RBFOX2: variants seen among roughly 807,000 people sequenced by gnomAD.
The protein encoded by RBFOX2 is RNA binding protein fox-1 homolog 2.
Under a neutral mutation model 49.1 loss-of-function variants are expected in RBFOX2, and 10 were observed. That is an observed-to-expected ratio of 0.20 (90% confidence interval 0.13 to 0.35). The LOEUF is 0.35. Ranked by LOEUF, RBFOX2 falls within the 10% of genes least tolerant of loss-of-function variation. RBFOX2 has a pLI of 1.00. For missense variants in RBFOX2, 323 were observed against 486.9 expected, an observed-to-expected ratio of 0.66 and a Z score of 3.17; for synonymous variants, 183 against 187.4, an observed-to-expected ratio of 0.98 and a Z score of 0.19.
Position 35,911,128 on chromosome 22 carries a change from C to T in RBFOX2, c.-34+27719G>A, listed in dbSNP as rs554624311. ...CCACTTTAAGCCTGATATGACCTCC[C>T]GGGACTTCTCTGGTCTCTAATAATG... On this transcript the variant is annotated intron_variant, in intron 1 of 13. Coordinates refer to the RBFOX2 transcript ENST00000359369. 7.2e-5 allele frequency among the ~76,000 whole-genome samples: 11 copies of T among 152,244 alleles called. 1 individual carries two copies. The highest frequency in any genetic ancestry group is 3.4e-3 in the Middle Eastern group (1 of 294).
chr22:35,933,926 T>TTATATATA lies in RBFOX2; in HGVS notation c.-34+4913_-34+4920dup, dbSNP rs3075245. Among the ~76,000 whole-genome samples, 1,169 of 117,942 alleles carry TTATATATA rather than the reference T, an allele frequency of 9.9e-3. 5 individuals carry two copies. Among genetic ancestry groups the TTATATATA allele is most frequent in the Middle Eastern group, 0.028 (7 of 250 alleles). The allele number at this position is 117,942 out of a possible 152,430, so 77.4% of individuals were successfully genotyped here. ...GTTCTTATAATTATATAATTAAATG[T>TTATATATA]TATATATATATATATATATATATAT... On this transcript the variant is annotated intron_variant, in intron 1 of 13. Transcript: ENST00000359369.
At chr22:35,899,056 T>C (rs1242181078) in intron 1 of RBFOX2, among the ~76,000 whole-genome samples, 2 of 151,928 alleles carry the variant, frequency 1.3e-5, no homozygotes, top group Admixed American at 1.3e-4. Flanking sequence ...AGGCAGAGGT[T>C]GCGGTGAGCC....
intron 1 of RBFOX2, among the ~76,000 whole-genome samples, chr22:35,865,787 A>G (rs1385108392): frequency 6.6e-6 from 1 of 152,240 alleles, no homozygotes; most frequent in Non-Finnish European, 1.5e-5. Flanking sequence ...TATTCTTTCT[A>G]AAACCCAAAA....
intron 2 of RBFOX2, among the ~76,000 whole-genome samples, chr22:35,803,505 G>A (rs942908403): frequency 1.3e-5 from 2 of 151,940 alleles, no homozygotes; most frequent in Non-Finnish European, 2.9e-5. Context: ...GCGAGACCCT[G>A]CCTCTACAAA....
intron 4 of RBFOX2, 134 bp downstream of exon 5, chr22:35,777,891 C>T: frequency 1.1e-6 from 1 of 903,870 alleles, no homozygotes; most frequent in Non-Finnish European, 1.6e-6. Flanking sequence ...TAGAGATAAT[C>T]TAAACCAAGG....
chr22:35,897,625 C>G, intron 1 of RBFOX2: 2 of 1,370,622 alleles, frequency 1.5e-6, no homozygotes, highest in Non-Finnish European at 1.0e-6. Flanking sequence ...AAAGGTTTTC[C>G]CATTGGCATC....
At chr22:35,967,249 T>C (rs2056614708) in intron 1 of RBFOX2, among the ~76,000 whole-genome samples, 1 of 152,202 alleles carries the variant, frequency 6.6e-6, no homozygotes, top group Non-Finnish European at 1.5e-5. Context: ...CATGAAAACA[T>C]TCTTCTTTGT....
intron 2 of RBFOX2, among the ~76,000 whole-genome samples, chr22:35,801,485 G>C (rs1949779544): frequency 6.7e-6 from 1 of 149,738 alleles, no homozygotes; most frequent in Non-Finnish European, 1.5e-5. Flanking sequence ...CCCGCCAAAA[G>C]TAAATAAATG....
intron 1 of RBFOX2, among the ~76,000 whole-genome samples, chr22:36,027,430 A>G (rs965114480): frequency 1.3e-5 from 2 of 152,204 alleles, no homozygotes; most frequent in African/African-American, 4.8e-5. Flanking sequence ...AGCTGACATC[A>G]ATACCTTTCC....
At chr22:35,924,539 T>A (rs1402747728) in intron 1 of RBFOX2, among the ~76,000 whole-genome samples, 2 of 152,200 alleles carry the variant, frequency 1.3e-5, no homozygotes, top group Non-Finnish European at 2.9e-5. Context: ...TTGCTGAACA[T>A]CAGATATCTA....
At chr22:35,822,095 T>C in intron 1 of RBFOX2, 1 of 438,934 alleles carries the variant, frequency 2.3e-6, no homozygotes, top group Non-Finnish European at 4.6e-6. Flanking sequence ...CCTGAGATGG[T>C]ACTCCCCAAT....
intron 1 of RBFOX2, among the ~76,000 whole-genome samples, chr22:35,876,824 C>T (rs1041235154): frequency 3.3e-5 from 5 of 151,750 alleles, no homozygotes; most frequent in Admixed American, 2.6e-4. Context: ...CACACTGTAC[C>T]AGTAATGTAC....
intron 1 of RBFOX2, among the ~76,000 whole-genome samples, chr22:35,918,987 TAA>T: frequency 6.7e-6 from 1 of 148,440 alleles, no homozygotes; most frequent in Non-Finnish European, 1.5e-5. Flanking sequence ...TTTCCCACCA[TAA>T]AAAAAAAATA....
chr22:35,893,322 A>T (rs1037686080), intron 1 of RBFOX2, among the ~76,000 whole-genome samples: 1 of 152,228 alleles, frequency 6.6e-6, no homozygotes, highest in Non-Finnish European at 1.5e-5. Context: ...AAGTAAAAAA[A>T]AAAATTGAGA....
chr22:36,021,188 T>C (rs1485292456), intron 1 of RBFOX2, among the ~76,000 whole-genome samples: 2 of 132,320 alleles, frequency 1.5e-5, no homozygotes, highest in Non-Finnish European at 3.1e-5. Context: ...TAGGTGAGAA[T>C]TAAACAATGA....
At chr22:36,007,021 G>A (rs553842795) in intron 1 of RBFOX2, among the ~76,000 whole-genome samples, 48 of 152,258 alleles carry the variant, frequency 3.2e-4, no homozygotes, top group Middle Eastern at 3.4e-3. Context: ...CTAGCTAGGG[G>A]ACATTTCTTA....
At chr22:35,745,851 G>A (rs1932453836) in intron 11 of RBFOX2, 72 bp downstream of exon 13, 11 of 1,457,356 alleles carry the variant, frequency 7.5e-6, no homozygotes, top group Admixed American at 1.7e-5. Context: ...TACCTCCCTA[G>A]ATCTTCTGTA....
intron 3 of RBFOX2, 102 bp from the exon 5 acceptor site, chr22:35,778,180 A>G: frequency 2.1e-6 from 2 of 938,190 alleles, no homozygotes; most frequent in Non-Finnish European, 3.3e-6. Flanking sequence ...TCTTCAGTAA[A>G]CTACTTATTT....
chr22:35,832,193 G>A (rs1262687902), intron 1 of RBFOX2, among the ~76,000 whole-genome samples: 15 of 152,118 alleles, frequency 9.9e-5, no homozygotes, highest in Admixed American at 7.9e-4. Flanking sequence ...CCAACATGGT[G>A]AAACCCTGTC....
Sources: allele counts gnomAD v4.1 joint callset (sites outside exome capture counted in the v4.1 genomes callset), GRCh38; gene constraint gnomAD v4.1.1; transcripts MANE v1.5; gene names NCBI Gene and HGNC (gene_info 2026-07-23, HGNC 2026-07-21).